GLIPR2: variants seen among roughly 807,000 people sequenced by gnomAD.
GLIPR2 encodes the protein Golgi-associated plant pathogenesis-related protein 1.
GLIPR2 carries 21 observed loss-of-function variants against 20.4 expected under a neutral mutation model. The ratio of observed to expected loss-of-function variants is 1.03; its 90% CI spans 0.73 to 1.48. The LOEUF (loss-of-function observed/expected upper bound fraction) is 1.48. Ranked by LOEUF, GLIPR2 falls within the 40% of genes most tolerant of loss-of-function variation. The pLI is 0.00. For synonymous variants in GLIPR2, 91 were observed against 80.5 expected, an observed-to-expected ratio of 1.13 and a Z score of -0.70; for missense variants, 205 against 200.1, an observed-to-expected ratio of 1.02 and a Z score of -0.15.
chr9:36,158,814 C>T (rs905908019), intron 4 of GLIPR2, among the ~76,000 whole-genome samples: 4 of 152,174 alleles, frequency 2.6e-5, no homozygotes, highest in Non-Finnish European at 2.9e-5. Context: ...CCCGTAATCC[C>T]AACACTTTGG....
chr9:36,140,969 C>G (rs1421470785), intron 1 of GLIPR2, among the ~76,000 whole-genome samples: 1 of 152,182 alleles, frequency 6.6e-6, no homozygotes. Context: ...AAAAGGCCAT[C>G]AAACGTCAAT....
At chr9:36,148,958 T>C (rs545673509) in intron 3 of GLIPR2, among the ~76,000 whole-genome samples, 7 of 152,294 alleles carry the variant, frequency 4.6e-5, no homozygotes, top group African/African-American at 1.7e-4. Context: ...ACCGCTTTTG[T>C]ACAGAATCTC....
At position 36,147,853 on chromosome 9, in the gene GLIPR2, C is replaced by T. The variant is rs778548243; in HGVS notation, c.81C>T (p.Pro27=). The change falls in exon 2 of 5, where the codon CCC becomes CCT. Residue 27 remains proline (P), a synonymous_variant. Coordinates refer to ENST00000377960, the MANE Select transcript of GLIPR2 (RefSeq NM_022343.4). ...AGTACCGGCAGAAGCACGGCGTCCC[C>T]CCACTGAAGCTCTGCAAGAACCTCA... ...HNEYRQKHGV[P]PLKLCKNLNR... 2 of 1,595,820 alleles carry T rather than the reference C, an allele frequency of 1.3e-6. No homozygotes were observed. Among genetic ancestry groups the T allele is most frequent in the South Asian group, 2.2e-5 (2 of 90,680 alleles).
intron 1 of GLIPR2, among the ~76,000 whole-genome samples, chr9:36,140,011 T>C (rs1365051414): frequency 6.6e-6 from 1 of 152,186 alleles, no homozygotes; most frequent in Non-Finnish European, 1.5e-5. Context: ...GCCAGGCAGT[T>C]ATTATCAACT....
chr9:36,140,215 TCTCATCAG>T (rs1390344775), intron 1 of GLIPR2, among the ~76,000 whole-genome samples: 5 of 152,014 alleles, frequency 3.3e-5, no homozygotes, highest in Non-Finnish European at 2.9e-5. Flanking sequence ...CCACACACCC[TCTCATCAG>T]CTCTAAGAAT....
At chr9:36,157,182 AATT>A (rs939824821) in intron 4 of GLIPR2, among the ~76,000 whole-genome samples, 3 of 132,144 alleles carry the variant, frequency 2.3e-5, no homozygotes, top group African/African-American at 8.6e-5. Context: ...ATGCCCAGCT[AATT>A]TTTTTTTTTT....
At position 36,148,561 on chromosome 9, in the gene GLIPR2, T is replaced by C; in HGVS notation, c.137T>C (p.Leu46Pro). 1 of 1,613,792 alleles carries C rather than the reference T, an allele frequency of 6.2e-7. No individual in the cohort carries two copies. The highest frequency in any genetic ancestry group is 1.7e-5 in the Admixed American group (1 of 60,022). Residue 46 changes from leucine (L) to proline (P), a missense_variant, in exon 3 of 5, where the codon CTG becomes CCG. Transcript: ENST00000377960. ...GAACTCTGCAGGTATTCTGAGGCCC[T>C]GGCCAGCACGAGGATCCTCAAGCAC... ...NREAQQYSEA[L>P]ASTRILKHSP...
chr9:36,137,483 C>T (rs911205111), intron 1 of GLIPR2, among the ~76,000 whole-genome samples: 5 of 152,172 alleles, frequency 3.3e-5, no homozygotes, highest in Admixed American at 6.5e-5. Flanking sequence ...AGGTCCCTTC[C>T]CCTAGGTTTC....
At position 36,155,457 on chromosome 9, in the gene GLIPR2, G is replaced by A. The variant is rs143292812; in HGVS notation, c.304+4508G>A. 4.6e-3 allele frequency among the ~76,000 whole-genome samples: 701 copies of A among 152,268 alleles called. 4 individuals carry two copies. The highest frequency in any genetic ancestry group is 0.016 in the African/African-American group (669 of 41,548). On this transcript the variant is annotated intron_variant, in intron 4 of 4. Transcript: ENST00000377960. The stretch of plus-strand genomic sequence containing the variant: ...AAAAATACAAAAATTAGCCGGATGT[G>A]GTGGCGTGCATCTGTAATCCCAGCT...
intron 4 of GLIPR2, among the ~76,000 whole-genome samples, chr9:36,152,952 C>CAAAAAAAAAAAAA (rs67296666): frequency 2.1e-4 from 3 of 14,032 alleles, no homozygotes; most frequent in Non-Finnish European, 3.6e-4. Flanking sequence ...ACTGAAAGTG[C>CAAAAAAAAAAAAA]AAAAAAAAAA....
In GLIPR2 at chr9:36,136,906, C is replaced by T; in HGVS notation, c.13+115C>T. On this transcript the variant is annotated intron_variant, in intron 1 of 4. Transcript: ENST00000377960. This position sits in a 1 kb window ranked among gnomAD's most constrained non-coding sequence, Gnocchi z 4.3. Reference sequence around the variant, plus strand: ...CTGGGGAGTGCGGGAGCCCGGGGTGCGGGTGGAGGGCGCGCGGGCGGAGCG... The same window carrying T: ...CTGGGGAGTGCGGGAGCCCGGGGTGTGGGTGGAGGGCGCGCGGGCGGAGCG... The T allele has an allele frequency of 1.7e-6, 2 of 1,168,528 alleles. No homozygotes were observed. The highest frequency in any genetic ancestry group is 2.1e-6 in the Non-Finnish European group (2 of 930,562). The allele number at this position is 1,168,528 out of a possible 1,614,324, so 72.4% of individuals were successfully genotyped here. A position where few individuals can be genotyped will look rare whatever the true frequency, so the allele number is the denominator to read the frequency against.
At chr9:36,155,065 TA>T (rs1404228765) in intron 4 of GLIPR2, among the ~76,000 whole-genome samples, 1 of 152,220 alleles carries the variant, frequency 6.6e-6, no homozygotes. Flanking sequence ...AAACAGTCTT[TA>T]TCCTCTATTC....
Position 36,163,038 on chromosome 9 carries a change from A to T in GLIPR2, c.*516A>T. 5.3e-6 allele frequency: 2 copies of T among 379,888 alleles called. No individual in the cohort carries two copies. Among genetic ancestry groups the T allele is most frequent in the Non-Finnish European group, 1.0e-5 (2 of 194,454 alleles). 23.5% of individuals were successfully genotyped at this position (379,888 alleles called of 1,614,324 possible). ...CTTCCATCAGGAACATGGAGCAGGC[A>T]GGGACTCCATTTTACAGAATTACTG... On this transcript the variant is annotated 3_prime_UTR_variant, in exon 5 of 5. Transcript: ENST00000377960.
At position 36,136,932 on chromosome 9, in the gene GLIPR2, C is replaced by A; in HGVS notation, c.13+141C>A. On this transcript the variant is annotated intron_variant, in intron 1 of 4. Coordinates refer to ENST00000377960, the MANE Select transcript of GLIPR2 (RefSeq NM_022343.4). The surrounding 1 kb of genome is among the most constrained non-coding windows in gnomAD (Gnocchi z 4.3). ...GGGTGGAGGGCGCGCGGGCGGAGCG[C>A]CCCGGCGCGGTTTCCGGGGAACCCG... 1 of 1,035,628 alleles carries A rather than the reference C, an allele frequency of 9.7e-7. No individual in the cohort carries two copies. Among genetic ancestry groups the A allele is most frequent in the Non-Finnish European group, 1.2e-6 (1 of 809,792 alleles). 64.2% of individuals were successfully genotyped at this position (1,035,628 alleles called of 1,614,324 possible).
chr9:36,136,934 C>A lies in GLIPR2; in HGVS notation c.13+143C>A. On this transcript the variant is annotated intron_variant, in intron 1 of 4. Transcript: ENST00000377960. This position sits in a 1 kb window ranked among gnomAD's most constrained non-coding sequence, Gnocchi z 4.3. The stretch of plus-strand genomic sequence containing the variant: ...GTGGAGGGCGCGCGGGCGGAGCGCC[C>A]CGGCGCGGTTTCCGGGGAACCCGGG... 1 of 1,020,086 alleles carries A rather than the reference C, an allele frequency of 9.8e-7. No homozygotes were observed. The highest frequency in any genetic ancestry group is 1.3e-6 in the Non-Finnish European group (1 of 795,702). 63.2% of individuals were successfully genotyped at this position (1,020,086 alleles called of 1,614,324 possible).
chr9:36,157,933 C>A (rs996973736), intron 4 of GLIPR2, among the ~76,000 whole-genome samples: 5 of 152,006 alleles, frequency 3.3e-5, no homozygotes, highest in African/African-American at 1.2e-4. Context: ...TTTCCTCAGC[C>A]TCCCCAGTAG....
In GLIPR2 at chr9:36,147,835, G is replaced by A; in HGVS notation, c.63G>A (p.Arg21=). The A allele has an allele frequency of 1.2e-6, 2 of 1,602,612 alleles. No homozygotes were observed. Among genetic ancestry groups the A allele is most frequent in the Non-Finnish European group, 1.7e-6 (2 of 1,169,548 alleles). ...TCCTGAAGGCCCACAATGAGTACCGGCAGAAGCACGGCGTCCCCCCACTGA... is the reference window on the plus strand; with the variant it reads ...TCCTGAAGGCCCACAATGAGTACCGACAGAAGCACGGCGTCCCCCCACTGA... ...NEVLKAHNEY[R]QKHGVPPLKL... The change falls in exon 2 of 5, where the codon CGG becomes CGA. Residue 21 remains arginine (R), a synonymous_variant. Coordinates refer to ENST00000377960, the MANE Select transcript of GLIPR2 (RefSeq NM_022343.4).
chr9:36,158,299 A>G (rs1008308771), intron 4 of GLIPR2, among the ~76,000 whole-genome samples: 2 of 152,200 alleles, frequency 1.3e-5, no homozygotes, highest in Non-Finnish European at 2.9e-5. Flanking sequence ...GCCATTTTAC[A>G]TTCCCATCAG....
At chr9:36,153,083 G>A (rs952898890) in intron 4 of GLIPR2, among the ~76,000 whole-genome samples, 4 of 133,824 alleles carry the variant, frequency 3.0e-5, no homozygotes, top group South Asian at 4.8e-4. Context: ...AGCGGAGATC[G>A]CCCACTCCAG....
Sources: gnomAD v4.1 joint callset for allele counts (sites outside exome capture counted in the v4.1 genomes callset) on GRCh38, gnomAD v4.1.1 for gene constraint, Gnocchi (gnomAD v3.1) non-coding constraint, MANE v1.5 for transcripts, NCBI Gene and HGNC (gene_info 2026-07-23, HGNC 2026-07-21) for gene names.